The following ZBTB43 variants were observed in gnomAD, a reference collection of about 807,000 sequenced individuals.
The protein encoded by ZBTB43 is zinc finger and BTB domain-containing protein 43.
ZBTB43 carries 6 observed loss-of-function variants against 31.1 expected under a neutral mutation model. The observed-to-expected ratio is 0.19, with a 90% CI of 0.11 to 0.38. The LOEUF (loss-of-function observed/expected upper bound fraction) is 0.38, where lower values mean the gene tolerates loss of function less well. ZBTB43 is among the 10% of genes least tolerant of loss of function. The probability of loss-of-function intolerance (pLI) is 1.00; values close to 1 mark genes in which losing one functional copy is unlikely to be tolerated. For missense variants in ZBTB43, 379 were observed against 602.1 expected (o/e 0.63, Z 3.88); for synonymous variants, 212 against 221.7 (o/e 0.96, Z 0.39).
intron 2 of ZBTB43, among the ~76,000 whole-genome samples, chr9:126,813,512 G>A (rs2032295993): frequency 6.6e-6 from 1 of 152,084 alleles, no homozygotes; most frequent in Non-Finnish European, 1.5e-5. Flanking sequence ...CACAAGTAAT[G>A]ATGTGTGTGT....
chr9:126,806,768 T>C (rs2032135704), intron 1 of ZBTB43, among the ~76,000 whole-genome samples: 1 of 152,244 alleles, frequency 6.6e-6, no homozygotes, highest in South Asian at 2.1e-4. Context: ...CCTGTGTTTA[T>C]TGATTCCTAC....
intron 1 of ZBTB43, among the ~76,000 whole-genome samples, chr9:126,807,999 G>A (rs914321086): frequency 3.3e-5 from 5 of 152,056 alleles, no homozygotes; most frequent in Admixed American, 2.0e-4. Flanking sequence ...TGTCTTATTT[G>A]TAACATATTG....
At chr9:126,823,184 A>G (rs905873199) in intron 2 of ZBTB43, among the ~76,000 whole-genome samples, 1 of 152,076 alleles carries the variant, frequency 6.6e-6, no homozygotes, top group Admixed American at 6.6e-5. Flanking sequence ...GCTTTTTTCT[A>G]TCAATTCTTG....
chr9:126,821,972 C>T (rs2119141543), intron 2 of ZBTB43, among the ~76,000 whole-genome samples: 1 of 152,226 alleles, frequency 6.6e-6, no homozygotes, highest in East Asian at 1.9e-4. Flanking sequence ...AAGCAGTTCT[C>T]CTGCCTCAGC....
At chr9:126,828,270 A>C (rs141639467) in intron 2 of ZBTB43, among the ~76,000 whole-genome samples, 1 of 150,774 alleles carries the variant, frequency 6.6e-6, no homozygotes, top group Non-Finnish European at 1.5e-5. Flanking sequence ...TGCAAGCTCC[A>C]CCTTCCGGGT....
At chr9:126,816,774 T>C (rs1198887387) in intron 2 of ZBTB43, among the ~76,000 whole-genome samples, 1 of 152,184 alleles carries the variant, frequency 6.6e-6, no homozygotes, top group Non-Finnish European at 1.5e-5. Flanking sequence ...TTCTTTGCAG[T>C]TGGTGAAATT....
rs755697728 is a variant in ZBTB43 at position 126,833,724 on chromosome 9, C to T, written c.1215C>T (p.Cys405=). 14 of 1,609,212 alleles carry T rather than the reference C, an allele frequency of 8.7e-6. No individual in the cohort carries two copies. The highest frequency in any genetic ancestry group is 1.6e-4 in the Middle Eastern group (1 of 6,078). The change falls in exon 3 of 3, where the codon TGC becomes TGT. Residue 405 remains cysteine (C), a synonymous_variant. Coordinates refer to ENST00000373464, the MANE Select transcript of ZBTB43 (RefSeq NM_014007.4). The surrounding 1 kb of genome is among the most constrained non-coding windows in gnomAD (Gnocchi z 7.9). The part of the protein sequence containing the change: ...LGLRPYGCGV[C]GKKFKMKHHL... ...TTCGGCCTTACGGCTGTGGGGTCTG[C>T]GGTAAGAAATTCAAAATGAAGCACC...
Position 126,825,912 on chromosome 9 carries a change from C to G in ZBTB43, c.-23-6575C>G, listed in dbSNP as rs2032622909. On this transcript the variant is annotated intron_variant, in intron 2 of 2. Transcript: ENST00000373464. The stretch of plus-strand genomic sequence containing the variant: ...CCAGGCTGAAGTGCAGTGGTGCCAT[C>G]TCAGCTCACTGCAACCTCCTGCCTC... 2.8e-5 allele frequency among the ~76,000 whole-genome samples: 4 copies of G among 140,682 alleles called. No homozygotes were observed. In the Admixed American group the frequency reaches 3.0e-4, roughly 10 times the overall value. The allele number at this position is 140,682 out of a possible 152,430, so 92.3% of individuals were successfully genotyped here.
At chr9:126,820,090 A>C (rs1363914219) in intron 2 of ZBTB43, among the ~76,000 whole-genome samples, 1 of 152,220 alleles carries the variant, frequency 6.6e-6, no homozygotes, top group Non-Finnish European at 1.5e-5. Context: ...CGTAATGTAA[A>C]AGTGCAAGCT....
At chr9:126,804,221 G>C (rs1205635580), upstream of ZBTB43, among the ~76,000 whole-genome samples, 2 of 152,156 alleles carry the variant, frequency 1.3e-5, no homozygotes, top group African/African-American at 2.4e-5. Context: ...TTTTGGGAGG[G>C]AGTGGGAGAA....
chr9:126,818,790 C>T (rs1173960719), intron 2 of ZBTB43, among the ~76,000 whole-genome samples: 3 of 152,028 alleles, frequency 2.0e-5, no homozygotes, highest in African/African-American at 7.2e-5. Flanking sequence ...ATATTTACTC[C>T]AGTGTTCATA....
Position 126,833,652 on chromosome 9 carries a change from C to T in ZBTB43, c.1143C>T (p.Phe381=). Residue 381 remains phenylalanine, a synonymous_variant, in exon 3 of 3, where the codon TTC becomes TTT. Transcript: ENST00000373464. The surrounding 1 kb of genome is among the most constrained non-coding windows in gnomAD (Gnocchi z 7.9). ...KLYPCQCGKS[F]THKSQRDRHM... is the part of the protein sequence containing the mutation. ...ATCCTTGTCAGTGTGGGAAAAGTTT[C>T]ACTCACAAGAGTCAGAGAGATCGGC... 1.9e-6 allele frequency: 3 copies of T among 1,613,412 alleles called. No individual in the cohort carries two copies. The highest frequency in any genetic ancestry group is 2.5e-6 in the Non-Finnish European group (3 of 1,179,384).
chr9:126,828,768 T>G (rs1337818013), intron 2 of ZBTB43, among the ~76,000 whole-genome samples: 6 of 151,548 alleles, frequency 4.0e-5, no homozygotes, highest in Admixed American at 3.9e-4. Context: ...AATTTCATCT[T>G]GGCAAAAAAA....
chr9:126,807,758 C>T (rs1027931056), intron 1 of ZBTB43, among the ~76,000 whole-genome samples: 12 of 152,126 alleles, frequency 7.9e-5, no homozygotes, highest in African/African-American at 2.9e-4. Flanking sequence ...GCTTCAACCT[C>T]CCGAGTAGCT....
chr9:126,837,838 CTT>C lies in ZBTB43; in HGVS notation c.*3940_*3941del, dbSNP rs5900725. The C allele has an allele frequency of 4.9e-4, 71 of 146,268 alleles. No individual in the cohort carries two copies. The highest frequency in any genetic ancestry group is 8.5e-4 in the African/African-American group (32 of 37,544). 9.1% of individuals were successfully genotyped at this position (146,268 alleles called of 1,614,324 possible). A position where few individuals can be genotyped will look rare whatever the true frequency, so the allele number is the denominator to read the frequency against. On this transcript the variant is annotated 3_prime_UTR_variant, in exon 3 of 3. Coordinates refer to ENST00000373464, the MANE Select transcript of ZBTB43 (RefSeq NM_014007.4). ...GCTGGAACACATTTTGCAAATGTGA[CTT>C]TTTTTTTTTTTTTTAATTTTTGCTT...
At chr9:126,816,278 G>A (rs1015181169) in intron 2 of ZBTB43, among the ~76,000 whole-genome samples, 3 of 151,796 alleles carry the variant, frequency 2.0e-5, no homozygotes, top group African/African-American at 4.8e-5. Context: ...CCACATTATC[G>A]ATTCCATTTT....
At chr9:126,810,495 CTTTTTTT>C (rs1163411798) in intron 2 of ZBTB43, among the ~76,000 whole-genome samples, 1 of 73,342 alleles carries the variant, frequency 1.4e-5, no homozygotes, top group Admixed American at 2.2e-4. Flanking sequence ...GCCCAGCCGT[CTTTTTTT>C]TTTTTTTTTT....
intron 2 of ZBTB43, among the ~76,000 whole-genome samples, chr9:126,826,575 C>A (rs913054730): frequency 2.7e-5 from 4 of 148,376 alleles, no homozygotes; most frequent in African/African-American, 4.9e-5. Context: ...GCCATTCTCC[C>A]ACATCAGCCT....
At chr9:126,830,374 A>C (rs770182891) in intron 2 of ZBTB43, among the ~76,000 whole-genome samples, 1 of 152,198 alleles carries the variant, frequency 6.6e-6, no homozygotes, top group Admixed American at 6.5e-5. Flanking sequence ...GGCTGGGCGC[A>C]GTGGCTCACG....
Sources: allele counts gnomAD v4.1 joint callset (sites outside exome capture counted in the v4.1 genomes callset), GRCh38; gene constraint gnomAD v4.1.1; non-coding constraint Gnocchi (gnomAD v3.1); transcripts MANE v1.5; gene names NCBI Gene and HGNC (gene_info 2026-07-23, HGNC 2026-07-21).